Variants in ADK observed in about 807,000 individuals in gnomAD.
ADK encodes the protein N6,N6-dimethyladenosine kinase.
A neutral mutation model predicts 44.7 loss-of-function variants in ADK; 24 were observed. That is an observed-to-expected ratio of 0.54 (90% CI 0.39 to 0.76). The LOEUF is 0.76. Among genes scored for constraint, ADK ranks in the 30% least tolerant of loss-of-function variants. ADK has a pLI of 0.00. For missense variants in ADK, 321 were observed against 425.1 expected (o/e 0.76, Z 2.15); for synonymous variants, 128 against 142.6 (o/e 0.90, Z 0.73).
chr10:74,324,758 G>T (rs575647345), intron 4 of ADK, among the ~76,000 whole-genome samples: 2 of 152,222 alleles, frequency 1.3e-5, no homozygotes, highest in South Asian at 4.1e-4. Context: ...CACTGAATAT[G>T]TACCCAGAAG....
chr10:74,693,148 A>T (rs1856052610), intron 10 of ADK, among the ~76,000 whole-genome samples: 1 of 152,214 alleles, frequency 6.6e-6, no homozygotes, highest in Admixed American at 6.5e-5. Context: ...TAAACTATAG[A>T]TATTATTTAA....
chr10:74,309,938 T>G (rs765143808), intron 3 of ADK, among the ~76,000 whole-genome samples: 2 of 152,170 alleles, frequency 1.3e-5, no homozygotes, highest in Admixed American at 1.3e-4. Context: ...TTATTTTTAA[T>G]GCCATTTTTG....
intron 9 of ADK, among the ~76,000 whole-genome samples, chr10:74,639,642 G>GC (rs1853763594): frequency 6.6e-6 from 1 of 152,162 alleles, no homozygotes; most frequent in African/African-American, 2.4e-5. Flanking sequence ...TTCCAGACCA[G>GC]CCTGGCCAAC....
chr10:74,194,842 G>A (rs1425403093), intron 1 of ADK, among the ~76,000 whole-genome samples: 1 of 152,186 alleles, frequency 6.6e-6, no homozygotes. Context: ...AACAGTTAAA[G>A]GCAGTCATTG....
chr10:74,271,409 G>T (rs891784743), intron 3 of ADK, among the ~76,000 whole-genome samples: 9 of 151,830 alleles, frequency 5.9e-5, no homozygotes, highest in African/African-American at 2.2e-4. Flanking sequence ...TGTTGTTGTT[G>T]TTTTTTCTTA....
chr10:74,281,475 G>A (rs950046842), intron 3 of ADK, among the ~76,000 whole-genome samples: 1 of 152,182 alleles, frequency 6.6e-6, no homozygotes, highest in Non-Finnish European at 1.5e-5. Context: ...TGCAACTAGT[G>A]TAGCTACTTT....
At chr10:74,371,908 C>T in intron 4 of ADK, 1 of 1,464,600 alleles carries the variant, frequency 6.8e-7, no homozygotes, top group Non-Finnish European at 9.4e-7. Flanking sequence ...CTTGTGGTTA[C>T]TGACCCCAGG....
intron 4 of ADK, among the ~76,000 whole-genome samples, chr10:74,358,287 A>C (rs1842210970): frequency 6.6e-6 from 1 of 152,222 alleles, no homozygotes; most frequent in Non-Finnish European, 1.5e-5. Flanking sequence ...TAACTTTGTA[A>C]GTTAACCTTG....
intron 6 of ADK, among the ~76,000 whole-genome samples, chr10:74,431,299 T>C (rs1164453780): frequency 6.6e-6 from 1 of 152,174 alleles, no homozygotes; most frequent in African/African-American, 2.4e-5. Flanking sequence ...GATTGCCTTA[T>C]TTATTTATAG....
At chr10:74,152,418 T>C (rs1191819883) in intron 1 of ADK, among the ~76,000 whole-genome samples, 1 of 152,200 alleles carries the variant, frequency 6.6e-6, no homozygotes, top group Admixed American at 6.6e-5. Context: ...TTATTTTAAA[T>C]ATTCCAACTA....
intron 2 of ADK, among the ~76,000 whole-genome samples, chr10:74,218,337 C>T (rs1455066991): frequency 1.3e-5 from 2 of 152,120 alleles, no homozygotes; most frequent in African/African-American, 4.8e-5. Flanking sequence ...TAAAAAGAAA[C>T]AATCAAAGCT....
Position 74,276,573 on chromosome 10 carries a change from C to T in ADK, c.195-38094C>T, listed in dbSNP as rs375714863. Among the ~76,000 whole-genome samples, 20 of 152,312 alleles carry T rather than the reference C, an allele frequency of 1.3e-4. No homozygotes were observed. The East Asian group carries it at 3.7e-3, about 28-fold the overall frequency. ...TGTGTCTCACTCAGCTGGTTCTCAGCTCCAGGTTTTACAAGGCAGAAATCA... is the reference window on the plus strand; with the variant it reads ...TGTGTCTCACTCAGCTGGTTCTCAGTTCCAGGTTTTACAAGGCAGAAATCA... On this transcript the variant is annotated intron_variant, in intron 3 of 10. Coordinates refer to ENST00000539909, the MANE Select transcript of ADK (RefSeq NM_006721.4).
chr10:74,245,546 T>C (rs554713543), intron 3 of ADK, among the ~76,000 whole-genome samples: 14 of 151,912 alleles, frequency 9.2e-5, no homozygotes, highest in Non-Finnish European at 1.8e-4. Context: ...AGTATTGATA[T>C]TAGTATTAGT....
chr10:74,366,432 T>TA (rs989680283), intron 4 of ADK, among the ~76,000 whole-genome samples: 1 of 152,104 alleles, frequency 6.6e-6, no homozygotes, highest in Non-Finnish European at 1.5e-5. Context: ...GTTTACTTTT[T>TA]AAAAAAAATA....
intron 2 of ADK, among the ~76,000 whole-genome samples, chr10:74,203,951 CTTTTTTTTTTT>C (rs760810639): frequency 9.4e-5 from 9 of 95,834 alleles, no homozygotes; most frequent in African/African-American, 1.7e-4. Flanking sequence ...TTATTTAGGT[CTTTTTTTTTTT>C]TTTTTTTTTT....
chr10:74,538,187 G>A (rs1040260860), intron 7 of ADK, among the ~76,000 whole-genome samples: 6 of 151,890 alleles, frequency 4.0e-5, no homozygotes, highest in African/African-American at 1.2e-4. Context: ...CCCTGGAGGC[G>A]GAGGTTGCAG....
intron 7 of ADK, among the ~76,000 whole-genome samples, chr10:74,583,890 A>T (rs1378262892): frequency 1.3e-5 from 2 of 152,024 alleles, no homozygotes. Context: ...TTCCAAGCCC[A>T]CTCATGTCCG....
chr10:74,650,678 C>T (rs937721863), intron 9 of ADK, among the ~76,000 whole-genome samples: 2 of 152,092 alleles, frequency 1.3e-5, no homozygotes, highest in African/African-American at 4.8e-5. Flanking sequence ...TAGGTGTAAC[C>T]AGTGTTGAGA....
At chr10:74,489,245 C>A (rs191782938) in intron 6 of ADK, among the ~76,000 whole-genome samples, 2 of 151,954 alleles carry the variant, frequency 1.3e-5, no homozygotes, top group East Asian at 3.9e-4. Context: ...ATAAGTTCTC[C>A]AATGTAGAAG....
Sources: gnomAD v4.1 joint callset for allele counts (sites outside exome capture counted in the v4.1 genomes callset) on GRCh38, gnomAD v4.1.1 for gene constraint, MANE v1.5 for transcripts, NCBI Gene and HGNC (gene_info 2026-07-23, HGNC 2026-07-21) for gene names.